RPS6KC1: variants seen among roughly 807,000 people sequenced by gnomAD.
RPS6KC1 encodes ribosomal protein S6 kinase C1.
RPS6KC1 carries 54 observed loss-of-function variants against 103.8 expected under a neutral mutation model. The observed-to-expected ratio is 0.52, with a 90% CI of 0.42 to 0.65. The LOEUF (loss-of-function observed/expected upper bound fraction) is 0.65, where lower values mean the gene tolerates loss of function less well. Among genes scored for constraint, RPS6KC1 ranks in the 30% least tolerant of loss-of-function variants. The pLI, the probability that RPS6KC1 is intolerant of heterozygous loss-of-function variation, is 0.00. For missense variants in RPS6KC1, 1,151 were observed against 1,253.8 expected, an observed-to-expected ratio of 0.92 and a Z score of 1.24; for synonymous variants, 439 against 438.7, an observed-to-expected ratio of 1.00 and a Z score of -0.01.
At chr1:213,644,043 T>G in the RPS6KC1 span, among the ~76,000 whole-genome samples, 12,039 of 152,078 alleles carry the variant, frequency 0.079, 1,003 homozygotes, top group African/African-American at 0.21. Flanking sequence ...TGCTTTATAT[T>G]CATAAATAAG....
At chr1:213,283,388 A>G in the RPS6KC1 span, among the ~76,000 whole-genome samples, 1 of 152,188 alleles carries the variant, frequency 6.6e-6, no homozygotes, top group African/African-American at 2.4e-5. Flanking sequence ...TTTGCAACAA[A>G]ACTAGGTGAC....
At position 213,085,108 on chromosome 1, in the gene RPS6KC1, G is replaced by T. The variant is rs564789579; in HGVS notation, c.262+7292G>T. Among the ~76,000 whole-genome samples, 78 of 152,318 alleles carry T rather than the reference G, an allele frequency of 5.1e-4. 1 individual carries two copies. Among genetic ancestry groups the T allele is most frequent in the African/African-American group, 1.9e-3 (77 of 41,574 alleles). On this transcript the variant is annotated intron_variant, in intron 3 of 14. Coordinates refer to ENST00000366960, the MANE Select transcript of RPS6KC1 (RefSeq NM_012424.6). ...TTGGTATCACTGGGCTGAAATCAAGGTGTTGGCAGGGATGCTCTCTTTTCA... is the reference window on the plus strand; with the variant it reads ...TTGGTATCACTGGGCTGAAATCAAGTTGTTGGCAGGGATGCTCTCTTTTCA...
At chr1:213,119,211 C>A (rs1392098536) in intron 5 of RPS6KC1, among the ~76,000 whole-genome samples, 1 of 151,492 alleles carries the variant, frequency 6.6e-6, no homozygotes, top group Non-Finnish European at 1.5e-5. Flanking sequence ...TTTTGGGAGG[C>A]CAAGGCAGGC....
At chr1:213,505,862 T>C in the RPS6KC1 span, among the ~76,000 whole-genome samples, 7 of 152,056 alleles carry the variant, frequency 4.6e-5, no homozygotes, top group Non-Finnish European at 8.8e-5. Flanking sequence ...ATGGCTTCTC[T>C]CTTTATGCAT....
the RPS6KC1 span, among the ~76,000 whole-genome samples, chr1:213,335,577 T>A: frequency 5.9e-5 from 9 of 152,336 alleles, no homozygotes; most frequent in African/African-American, 1.7e-4. Context: ...TACTGAGAAC[T>A]ATGTATGTGT....
the RPS6KC1 span, among the ~76,000 whole-genome samples, chr1:213,295,378 T>A: frequency 2.0e-5 from 3 of 152,206 alleles, no homozygotes; most frequent in East Asian, 5.8e-4. Context: ...TAATGATCTC[T>A]AAGATTGGGA....
chr1:213,515,132 T>C, the RPS6KC1 span, among the ~76,000 whole-genome samples: 1 of 151,950 alleles, frequency 6.6e-6, no homozygotes, highest in Non-Finnish European at 1.5e-5. Flanking sequence ...GATATTAGCC[T>C]TTTGTCAGAT....
intron 6 of RPS6KC1, among the ~76,000 whole-genome samples, chr1:213,162,334 G>A (rs1044172304): frequency 6.6e-6 from 1 of 152,134 alleles, no homozygotes; most frequent in Non-Finnish European, 1.5e-5. Flanking sequence ...AGGCTGGAGT[G>A]CAGTGGTGCC....
At chr1:213,571,274 C>T in the RPS6KC1 span, among the ~76,000 whole-genome samples, 17 of 152,186 alleles carry the variant, frequency 1.1e-4, no homozygotes, top group Non-Finnish European at 2.1e-4. Flanking sequence ...GCATGGAGAT[C>T]AGAGCCAGCC....
the RPS6KC1 span, among the ~76,000 whole-genome samples, chr1:213,717,236 A>G: frequency 2.6e-5 from 4 of 152,228 alleles, no homozygotes; most frequent in African/African-American, 7.2e-5. Context: ...AGGAAACAGA[A>G]AGATAAATCG....
intron 12 of RPS6KC1, among the ~76,000 whole-genome samples, chr1:213,246,048 A>G (rs971337477): frequency 1.3e-5 from 2 of 152,128 alleles, no homozygotes; most frequent in Admixed American, 1.3e-4. Flanking sequence ...AAAACCATGG[A>G]GCTTTCTCTG....
chr1:213,731,180 C>A, the RPS6KC1 span, among the ~76,000 whole-genome samples: 1 of 152,164 alleles, frequency 6.6e-6, no homozygotes, highest in African/African-American at 2.4e-5. Context: ...AGTCAGGTAG[C>A]ATGATGCTTC....
At chr1:213,443,406 G>GT in the RPS6KC1 span, among the ~76,000 whole-genome samples, 2 of 152,198 alleles carry the variant, frequency 1.3e-5, no homozygotes, top group Non-Finnish European at 2.9e-5. Context: ...GTTGTACAGT[G>GT]TACAACCTGC....
the RPS6KC1 span, among the ~76,000 whole-genome samples, chr1:213,355,634 A>G: frequency 6.6e-6 from 1 of 152,224 alleles, no homozygotes; most frequent in Admixed American, 6.5e-5. Flanking sequence ...CCTAAACTTG[A>G]ATTAAGTTGT....
chr1:213,733,487 T>C, the RPS6KC1 span, among the ~76,000 whole-genome samples: 1 of 151,974 alleles, frequency 6.6e-6, no homozygotes, highest in African/African-American at 2.4e-5. Flanking sequence ...TCATCCTGCT[T>C]TGGCCTCCCA....
At chr1:213,194,081 C>T (rs2092849593) in intron 8 of RPS6KC1, among the ~76,000 whole-genome samples, 1 of 152,180 alleles carries the variant, frequency 6.6e-6, no homozygotes, top group Non-Finnish European at 1.5e-5. Context: ...ACCTTTGTGT[C>T]TTCTTATAGT....
chr1:213,597,254 A>G, the RPS6KC1 span, among the ~76,000 whole-genome samples: 2 of 152,224 alleles, frequency 1.3e-5, no homozygotes, highest in African/African-American at 4.8e-5. Context: ...TATTCTGGTT[A>G]AGAAAATGTT....
the RPS6KC1 span, among the ~76,000 whole-genome samples, chr1:213,282,542 T>C: frequency 6.6e-6 from 1 of 152,228 alleles, no homozygotes; most frequent in African/African-American, 2.4e-5. Flanking sequence ...TAATAAAAAA[T>C]GCATTTTAAA....
intron 6 of RPS6KC1, among the ~76,000 whole-genome samples, chr1:213,151,354 C>T (rs2088849389): frequency 7.4e-6 from 1 of 134,890 alleles, no homozygotes; most frequent in African/African-American, 2.9e-5. Flanking sequence ...GGCTAACCCC[C>T]CCACCTCCCT....
Sources: allele counts gnomAD v4.1 joint callset (sites outside exome capture counted in the v4.1 genomes callset), GRCh38; gene constraint gnomAD v4.1.1; transcripts MANE v1.5; gene names NCBI Gene and HGNC (gene_info 2026-07-23, HGNC 2026-07-21).